The following STIM2 variants were observed in gnomAD, a reference collection of about 807,000 sequenced individuals.
STIM2 encodes stromal interaction molecule 2.
Under a neutral mutation model 85.8 loss-of-function variants are expected in STIM2, and 31 were observed. The observed-to-expected ratio is 0.36, with a 90% CI of 0.27 to 0.49. The LOEUF is 0.49. STIM2 is among the 20% of genes least tolerant of loss of function. The pLI is 0.98. For synonymous variants in STIM2, 356 were observed against 331.1 expected (o/e 1.08, Z -0.82); for missense variants, 841 against 927.6 (o/e 0.91, Z 1.21).
chr4:27,008,062 G>A, intron 8 of STIM2: 1 of 699,742 alleles, frequency 1.4e-6, no homozygotes, highest in South Asian at 1.6e-5. Flanking sequence ...ATGAGAATAA[G>A]TCTTAATCTG....
At chr4:27,007,856 C>A in intron 8 of STIM2, 156 bp downstream of exon 8, 2 of 809,160 alleles carry the variant, frequency 2.5e-6, no homozygotes, top group Non-Finnish European at 3.9e-6. Flanking sequence ...CTCTAGTAAT[C>A]ATAAGCTTTA....
intron 1 of STIM2, among the ~76,000 whole-genome samples, chr4:26,879,796 C>A (rs1013065858): frequency 5.3e-5 from 8 of 152,156 alleles, no homozygotes; most frequent in African/African-American, 1.9e-4. Context: ...CAGCCAGAGT[C>A]CTAAGAGGTA....
chr4:26,880,612 T>TATATATGTAAATATATATATAA (rs1722968836), intron 1 of STIM2, among the ~76,000 whole-genome samples: 1 of 146,700 alleles, frequency 6.8e-6, no homozygotes, highest in Non-Finnish European at 1.5e-5. Context: ...TATATATAAA[T>TATATATGTAAATATATATATAA]ATATATGTAA....
intron 1 of STIM2, 62 bp from the exon 2 acceptor site, chr4:26,919,440 ACT>A (rs1198206375): frequency 6.3e-7 from 1 of 1,587,032 alleles, no homozygotes; most frequent in African/African-American, 1.4e-5. Flanking sequence ...TTTAAATTAT[ACT>A]CTCTAACTAT....
chr4:27,000,843 G>T (rs1728127595), intron 5 of STIM2, among the ~76,000 whole-genome samples: 1 of 151,256 alleles, frequency 6.6e-6, no homozygotes, highest in Non-Finnish European at 1.5e-5. Flanking sequence ...TTTCCAGTCT[G>T]TGGTGCTTAT....
rs1206011236 is a variant in STIM2 at position 26,861,272 on chromosome 4, G to A, written c.54G>A (p.Val18=). The A allele has an allele frequency of 6.8e-7, 1 of 1,468,654 alleles. No homozygotes were observed. The highest frequency in any genetic ancestry group is 3.0e-5 in the East Asian group (1 of 33,458). The allele number at this position is 1,468,654 out of a possible 1,614,324, so 91.0% of individuals were successfully genotyped here. Residue 18 remains valine, a synonymous_variant, in exon 1 of 12, where the codon GTG becomes GTA. Coordinates refer to ENST00000467087, the MANE Select transcript of STIM2 (RefSeq NM_020860.4). Reference sequence around the variant, plus strand: ...GAGCGGCGGACGGATGCGAGCTTGTGCCCCGGCACCTCCGCGGGCGGCGGG... The same window carrying A: ...GAGCGGCGGACGGATGCGAGCTTGTACCCCGGCACCTCCGCGGGCGGCGGG...
At chr4:26,930,643 G>C (rs897153138) in intron 2 of STIM2, among the ~76,000 whole-genome samples, 2 of 152,092 alleles carry the variant, frequency 1.3e-5, no homozygotes, top group African/African-American at 4.8e-5. Context: ...GGAAAGCTTA[G>C]TTAACAACAC....
At chr4:26,919,468 A>G (rs761965977) in intron 1 of STIM2, 36 bp from the exon 2 acceptor site, 8 of 1,611,276 alleles carry the variant, frequency 5.0e-6, no homozygotes, top group South Asian at 1.1e-5. Context: ...TTGTTTTGGT[A>G]TGGCAAGTTA....
intron 3 of STIM2, among the ~76,000 whole-genome samples, chr4:26,975,791 A>T (rs567063599): frequency 2.6e-4 from 40 of 152,342 alleles, no homozygotes; most frequent in Non-Finnish European, 2.8e-4. Flanking sequence ...CAGAGCTGTC[A>T]GACAGGGACA....
At chr4:26,915,801 T>C (rs983947178) in intron 1 of STIM2, among the ~76,000 whole-genome samples, 4 of 152,180 alleles carry the variant, frequency 2.6e-5, no homozygotes, top group Admixed American at 2.0e-4. Context: ...TAACACAAGG[T>C]GAGGGCACTG....
At chr4:26,938,575 C>T (rs138480299) in intron 2 of STIM2, among the ~76,000 whole-genome samples, 64 of 152,322 alleles carry the variant, frequency 4.2e-4, no homozygotes, top group African/African-American at 1.5e-3. Context: ...CAAGCACTGA[C>T]TGCTGCAGTC....
At chr4:26,906,575 A>T (rs1724133916) in intron 1 of STIM2, among the ~76,000 whole-genome samples, 1 of 152,048 alleles carries the variant, frequency 6.6e-6, no homozygotes, top group Non-Finnish European at 1.5e-5. Flanking sequence ...ATATTCTAAA[A>T]AATATAAAAT....
At chr4:26,969,821 C>T (rs544020879) in intron 3 of STIM2, among the ~76,000 whole-genome samples, 16 of 152,196 alleles carry the variant, frequency 1.1e-4, no homozygotes, top group African/African-American at 3.6e-4. Flanking sequence ...ACTCTAGATT[C>T]TAGTGGAACT....
intron 2 of STIM2, among the ~76,000 whole-genome samples, chr4:26,951,542 T>G (rs1172227110): frequency 1.3e-5 from 2 of 152,148 alleles, no homozygotes; most frequent in Non-Finnish European, 2.9e-5. Context: ...GTTCAGTATC[T>G]TGAAAACTGT....
rs116218143 is a variant in STIM2 at position 26,904,455 on chromosome 4, G to A, written c.152-15049G>A. 2.5e-3 allele frequency among the ~76,000 whole-genome samples: 385 copies of A among 152,228 alleles called. 2 individuals are homozygous for A. Among genetic ancestry groups the A allele is most frequent in the African/African-American group, 9.1e-3 (379 of 41,544 alleles). ...AAGGAGCAGTCAGTAAGGAGAACAA[G>A]GCTATTGTGCTGTCTTGGAAATTAA... is the stretch of plus-strand genomic sequence containing the variant. On this transcript the variant is annotated intron_variant, in intron 1 of 11. Coordinates refer to ENST00000467087, the MANE Select transcript of STIM2 (RefSeq NM_020860.4).
intron 11 of STIM2, chr4:27,021,057 CAAAA>C (rs753021176): frequency 7.7e-6 from 9 of 1,163,468 alleles, no homozygotes; most frequent in Admixed American, 2.6e-5. Flanking sequence ...GTAAAGCTCT[CAAAA>C]AAAAAAAGTG....
chr4:26,871,141 T>C (rs946410284), intron 1 of STIM2, among the ~76,000 whole-genome samples: 1 of 152,204 alleles, frequency 6.6e-6, no homozygotes, highest in African/African-American at 2.4e-5. Context: ...CATATTTGCA[T>C]GTGGGATTTA....
rs1350400155 is a variant in STIM2 at position 27,003,064 on chromosome 4, A to G, written c.941A>G (p.Glu314Gly). The change falls in exon 7 of 12, where the codon GAA (glutamate) becomes GGA (glycine). Residue 314 changes from glutamate (E) to glycine (G), a missense_variant. Transcript: ENST00000467087. Reference sequence around the variant, plus strand: ...GAGCTAAGGGAGGGAGCTGAATGTGAATTGAGTAGACGTCAGTATGCAGAA... The same window carrying G: ...GAGCTAAGGGAGGGAGCTGAATGTGGATTGAGTAGACGTCAGTATGCAGAA... 4 of 1,600,470 alleles carry G rather than the reference A, an allele frequency of 2.5e-6. No individual in the cohort carries two copies. The highest frequency in any genetic ancestry group is 1.7e-4 in the Middle Eastern group (1 of 6,026).
At chr4:26,890,520 A>G (rs1723427445) in intron 1 of STIM2, among the ~76,000 whole-genome samples, 1 of 152,094 alleles carries the variant, frequency 6.6e-6, no homozygotes, top group South Asian at 2.1e-4. Context: ...CCCCGTAGCA[A>G]GCCAAAATCT....
Sources: gnomAD v4.1 joint callset for allele counts (sites outside exome capture counted in the v4.1 genomes callset) on GRCh38, gnomAD v4.1.1 for gene constraint, MANE v1.5 for transcripts, NCBI Gene and HGNC (gene_info 2026-07-23, HGNC 2026-07-21) for gene names.